The following IGF2BP2 variants were observed in gnomAD, a reference collection of about 807,000 sequenced individuals.
IGF2BP2 encodes insulin like growth factor 2 mRNA binding protein 2.
In IGF2BP2, 17 loss-of-function variants were observed where a neutral mutation model predicts 75.8. The observed-to-expected ratio is 0.22, with a 90% confidence interval of 0.15 to 0.34. The LOEUF is 0.34. Ranked by LOEUF, IGF2BP2 falls within the 10% of genes least tolerant of loss-of-function variation. The pLI, the probability that IGF2BP2 is intolerant of heterozygous loss-of-function variation, is 1.00. For synonymous variants in IGF2BP2, 288 were observed against 295.6 expected (o/e 0.97, Z 0.26); for missense variants, 516 against 772.4 (o/e 0.67, Z 3.93).
chr3:185,707,831 T>A (rs963215165), intron 2 of IGF2BP2, among the ~76,000 whole-genome samples: 1 of 152,164 alleles, frequency 6.6e-6, no homozygotes, highest in African/African-American at 2.4e-5. Flanking sequence ...CCTTCCACCA[T>A]CCCTCTCCTC....
chr3:185,705,736 T>G (rs150523160), intron 2 of IGF2BP2, among the ~76,000 whole-genome samples: 16 of 152,304 alleles, frequency 1.1e-4, no homozygotes, highest in African/African-American at 3.8e-4. Flanking sequence ...CTGTTCCTCA[T>G]AGAAGGCACT....
chr3:185,823,664 G>A (rs1325622094), intron 1 of IGF2BP2, among the ~76,000 whole-genome samples: 1 of 151,862 alleles, frequency 6.6e-6, no homozygotes, highest in Non-Finnish European at 1.5e-5. Context: ...AAGCCCCCCG[G>A]AGTCCGCCGC....
intron 2 of IGF2BP2, among the ~76,000 whole-genome samples, chr3:185,796,865 T>C (rs758863979): frequency 5.3e-5 from 8 of 152,184 alleles, no homozygotes; most frequent in Non-Finnish European, 7.3e-5. Context: ...TACAATAGTT[T>C]GGTTCAAACA....
intron 2 of IGF2BP2, among the ~76,000 whole-genome samples, chr3:185,761,210 C>T (rs781696303): frequency 1.3e-5 from 2 of 151,954 alleles, no homozygotes; most frequent in Non-Finnish European, 2.9e-5. Flanking sequence ...GCCTCAAAGA[C>T]GACTTGGGTG....
chr3:185,766,982 G>C (rs987992677), intron 2 of IGF2BP2, among the ~76,000 whole-genome samples: 26 of 152,172 alleles, frequency 1.7e-4, no homozygotes, highest in African/African-American at 5.8e-4. Context: ...CTCCACATTT[G>C]ATAGTTCACC....
intron 2 of IGF2BP2, among the ~76,000 whole-genome samples, chr3:185,802,385 T>G (rs1393040549): frequency 6.6e-6 from 1 of 152,110 alleles, no homozygotes; most frequent in Non-Finnish European, 1.5e-5. Flanking sequence ...AAGAAGCAGT[T>G]TGCCCAAGGT....
chr3:185,669,833 G>A (rs1203101439), intron 10 of IGF2BP2, among the ~76,000 whole-genome samples: 27 of 152,208 alleles, frequency 1.8e-4, no homozygotes, highest in Non-Finnish European at 1.5e-5. Flanking sequence ...CTATGCTGCT[G>A]TTCTCAGGAG....
intron 2 of IGF2BP2, among the ~76,000 whole-genome samples, chr3:185,767,668 A>T (rs1733274124): frequency 6.6e-6 from 1 of 152,174 alleles, no homozygotes; most frequent in Non-Finnish European, 1.5e-5. Context: ...TGGAAAAAAA[A>T]GTTTATAATT....
intron 2 of IGF2BP2, among the ~76,000 whole-genome samples, chr3:185,816,323 T>A (rs2150040914): frequency 6.6e-6 from 1 of 152,326 alleles, no homozygotes; most frequent in Middle Eastern, 3.4e-3. Flanking sequence ...CTTCTGTCTG[T>A]GGGCAAGCAC....
Position 185,803,894 on chromosome 3 carries a change from C to A in IGF2BP2, c.239+19259G>T, listed in dbSNP as rs530462958. The stretch of plus-strand genomic sequence containing the variant: ...ATCCCAGCACTTTAGGAGGCCGAGG[C>A]GGGTGGATCACCTGAGGTCAGGAGT... On this transcript the variant is annotated intron_variant, in intron 2 of 15. Transcript: ENST00000382199. 4.6e-5 allele frequency among the ~76,000 whole-genome samples: 7 copies of A among 152,236 alleles called. No homozygotes were observed. The South Asian group carries it at 1.5e-3, about 32-fold the overall frequency.
chr3:185,729,181 T>C (rs552370599), intron 2 of IGF2BP2, among the ~76,000 whole-genome samples: 129 of 152,240 alleles, frequency 8.5e-4, no homozygotes, highest in African/African-American at 3.0e-3. Context: ...ATGGAAAGTA[T>C]GCAGAAAACA....
intron 10 of IGF2BP2, among the ~76,000 whole-genome samples, chr3:185,662,689 C>A (rs1471817865): frequency 1.3e-5 from 2 of 151,744 alleles, no homozygotes; most frequent in East Asian, 2.0e-4. Flanking sequence ...ATTACAGGTA[C>A]CCACCACCAC....
intron 2 of IGF2BP2, among the ~76,000 whole-genome samples, chr3:185,744,949 T>C (rs926552498): frequency 6.6e-6 from 1 of 152,210 alleles, no homozygotes; most frequent in African/African-American, 2.4e-5. Flanking sequence ...TTCCCAACTG[T>C]TCGATGTTTA....
chr3:185,677,848 G>C (rs1445048005), intron 7 of IGF2BP2, among the ~76,000 whole-genome samples: 1 of 152,166 alleles, frequency 6.6e-6, no homozygotes. Context: ...TTCAACAGCA[G>C]ATTTGACCAG....
At chr3:185,654,983 C>T (rs1715201015) in intron 12 of IGF2BP2, among the ~76,000 whole-genome samples, 1 of 152,084 alleles carries the variant, frequency 6.6e-6, no homozygotes, top group African/African-American at 2.4e-5. Flanking sequence ...TCAAATGTGC[C>T]CCTCATTGTG....
intron 14 of IGF2BP2, among the ~76,000 whole-genome samples, chr3:185,648,293 C>G (rs1713953357): frequency 6.6e-6 from 1 of 151,910 alleles, no homozygotes. Context: ...GAAACCCCGT[C>G]TATACTAAAA....
chr3:185,756,751 T>C (rs1033406724), intron 2 of IGF2BP2, among the ~76,000 whole-genome samples: 7 of 152,262 alleles, frequency 4.6e-5, no homozygotes, highest in African/African-American at 1.2e-4. Context: ...GGTGGGAAGA[T>C]TGCTTGAGTC....
chr3:185,723,408 C>T (rs1302048164), intron 2 of IGF2BP2, among the ~76,000 whole-genome samples: 1 of 152,150 alleles, frequency 6.6e-6, no homozygotes, highest in African/African-American at 2.4e-5. Flanking sequence ...CCCTTCACTT[C>T]ATAAACAAGG....
rs1718683254 is a variant in IGF2BP2, at chr3:185,672,555, A to G, written c.1186T>C (p.Tyr396His). ...GPRGAPPAAP[Y>H]HPFTTHSGYF... The stretch of plus-strand genomic sequence containing the variant: ...GAGCTACTTACAGTGAAGGGGTGGT[A>G]GGGGGCAGCGGGGGGAGCTCCGCGG... Residue 396 changes from tyrosine (Y) to histidine (H), a missense_variant, in exon 10 of 16, where the codon TAC becomes CAC. Tyr to His is a moderately conservative substitution (Grantham distance 83). This residue lies in a region of IGF2BP2 where 75 missense variants were observed against 67.4 expected (regional missense o/e 1.11). Transcript: ENST00000382199. The G allele has an allele frequency of 1.5e-6, 2 of 1,329,130 alleles. No individual in the cohort carries two copies. Among genetic ancestry groups the G allele is most frequent in the South Asian group, 1.2e-5 (1 of 86,084 alleles). The allele number at this position is 1,329,130 out of a possible 1,614,324, so 82.3% of individuals were successfully genotyped here.
Sources: allele counts gnomAD v4.1 joint callset (sites outside exome capture counted in the v4.1 genomes callset), GRCh38; gene constraint gnomAD v4.1.1; regional missense constraint gnomAD v4.1.1; transcripts MANE v1.5; gene names NCBI Gene and HGNC (gene_info 2026-07-23, HGNC 2026-07-21).